The following PIWIL2 variants were observed in gnomAD, a reference collection of about 807,000 sequenced individuals.
PIWIL2 encodes piwi like RNA-mediated gene silencing 2.
In PIWIL2, 81 loss-of-function variants were observed where a neutral mutation model predicts 116.5. The ratio of observed to expected loss-of-function variants is 0.70; its 90% confidence interval spans 0.58 to 0.84. The LOEUF (loss-of-function observed/expected upper bound fraction) is 0.84. Among genes scored for constraint, PIWIL2 ranks in the 40% least tolerant of loss-of-function variants. The probability of loss-of-function intolerance (pLI) is 0.00; values close to 1 mark genes in which losing one functional copy is unlikely to be tolerated. For missense variants in PIWIL2, 1,272 were observed against 1,212.3 expected, an observed-to-expected ratio of 1.05 and a Z score of -0.73; for synonymous variants, 489 against 429.5, an observed-to-expected ratio of 1.14 and a Z score of -1.71.
At chr8:22,346,997 T>A (rs1832242169) in intron 20 of PIWIL2, among the ~76,000 whole-genome samples, 1 of 151,596 alleles carries the variant, frequency 6.6e-6, no homozygotes, top group Non-Finnish European at 1.5e-5. Context: ...AACATAGACC[T>A]CATATGTATA....
At chr8:22,294,880 G>C (rs937837880) in intron 10 of PIWIL2, among the ~76,000 whole-genome samples, 3 of 118,772 alleles carry the variant, frequency 2.5e-5, no homozygotes, top group Middle Eastern at 7.5e-3. Flanking sequence ...AGCCAACATG[G>C]TGAAATCCCA....
intron 2 of PIWIL2, 54 bp downstream of exon 2, chr8:22,279,638 C>T: frequency 6.6e-7 from 1 of 1,505,700 alleles, no homozygotes; most frequent in African/African-American, 1.4e-5. Context: ...TGTGTGCCGT[C>T]AGAGGAAGTA....
At chr8:22,354,469 T>C in intron 22 of PIWIL2, 91 bp downstream of exon 22, 1 of 720,804 alleles carries the variant, frequency 1.4e-6, no homozygotes. Flanking sequence ...AAAATATATT[T>C]ACCTCTTGAC....
intron 20 of PIWIL2, among the ~76,000 whole-genome samples, chr8:22,335,893 G>A (rs1234298663): frequency 6.6e-6 from 1 of 152,098 alleles, no homozygotes; most frequent in Non-Finnish European, 1.5e-5. Flanking sequence ...ACACTTGTAA[G>A]TAGAGACAAG....
intron 20 of PIWIL2, among the ~76,000 whole-genome samples, chr8:22,337,262 C>A (rs888234447): frequency 9.3e-5 from 14 of 150,936 alleles, no homozygotes; most frequent in African/African-American, 3.4e-4. Context: ...CTGAAGAGTA[C>A]ACACACACAC....
chr8:22,356,642 T>C lies in PIWIL2; in HGVS notation c.*1137T>C, dbSNP rs1056770505. 3 of 152,202 alleles carry C rather than the reference T, an allele frequency of 2.0e-5. No homozygotes were observed. Among genetic ancestry groups the C allele is most frequent in the African/African-American group, 7.2e-5 (3 of 41,448 alleles). 9.4% of individuals were successfully genotyped at this position (152,202 alleles called of 1,614,324 possible). A position where few individuals can be genotyped will look rare whatever the true frequency, so the allele number is the denominator to read the frequency against. On this transcript the variant is annotated 3_prime_UTR_variant, in exon 23 of 23. Transcript: ENST00000356766. ...CAGGTGTGTGGCCTTTATTTCTATT[T>C]ATATATGTTTGTAAATGGAATTACC...
intron 13 of PIWIL2, 60 bp downstream of exon 13, chr8:22,306,076 C>A: frequency 2.5e-6 from 3 of 1,224,480 alleles, no homozygotes; most frequent in Non-Finnish European, 3.6e-6. Flanking sequence ...TTTTGGTTAA[C>A]AGTTTGAGTT....
At chr8:22,324,410 T>C (rs893518190) in intron 20 of PIWIL2, among the ~76,000 whole-genome samples, 4 of 152,192 alleles carry the variant, frequency 2.6e-5, no homozygotes, top group African/African-American at 9.7e-5. Flanking sequence ...TGATCTAGAC[T>C]GCCGGCAGCA....
At chr8:22,315,489 G>A (rs1041244185) in intron 18 of PIWIL2, among the ~76,000 whole-genome samples, 5 of 146,990 alleles carry the variant, frequency 3.4e-5, no homozygotes, top group Admixed American at 2.0e-4. Context: ...GCTAATTTTT[G>A]TATTTTTAGT....
In PIWIL2 at chr8:22,356,179, A is replaced by G. The variant is rs1334378063; in HGVS notation, c.*674A>G. The G allele has an allele frequency of 1.3e-5, 2 of 152,182 alleles. No homozygotes were observed. Among genetic ancestry groups the G allele is most frequent in the Non-Finnish European group, 2.9e-5 (2 of 68,044 alleles). The allele number at this position is 152,182 out of a possible 1,614,324, so 9.4% of individuals were successfully genotyped here. On this transcript the variant is annotated 3_prime_UTR_variant, in exon 23 of 23. Transcript: ENST00000356766. Reference sequence around the variant, plus strand: ...GTTCCCATTTCTGGAGCCAGAGATGATAATTAAGTCATTGCAAGTTGCCTG... The same window carrying G: ...GTTCCCATTTCTGGAGCCAGAGATGGTAATTAAGTCATTGCAAGTTGCCTG...
intron 20 of PIWIL2, among the ~76,000 whole-genome samples, chr8:22,344,861 G>A (rs1832189568): frequency 6.6e-6 from 1 of 152,104 alleles, no homozygotes; most frequent in Admixed American, 6.5e-5. Context: ...TGGTGACAGA[G>A]TAAGACCCTT....
chr8:22,288,825 A>G (rs1002065288), intron 8 of PIWIL2, among the ~76,000 whole-genome samples, 159 bp downstream of exon 8: 1 of 152,218 alleles, frequency 6.6e-6, no homozygotes, highest in African/African-American at 2.4e-5. Flanking sequence ...AACTTACTCA[A>G]AAATTATCTC....
chr8:22,315,583 G>A (rs920162543), intron 18 of PIWIL2, among the ~76,000 whole-genome samples: 3 of 152,176 alleles, frequency 2.0e-5, no homozygotes, highest in East Asian at 1.9e-4. Context: ...CCAAAATGCT[G>A]GGATTACAGG....
At chr8:22,309,008 C>T (rs1831258301) in intron 14 of PIWIL2, among the ~76,000 whole-genome samples, 1 of 151,802 alleles carries the variant, frequency 6.6e-6, no homozygotes. Flanking sequence ...GTTGGCCAGG[C>T]TGGAGTGTAA....
At chr8:22,286,406 A>T (rs1250427665) in intron 6 of PIWIL2, among the ~76,000 whole-genome samples, 2 of 152,212 alleles carry the variant, frequency 1.3e-5, no homozygotes, top group Admixed American at 1.3e-4. Context: ...CACATACAAC[A>T]GGTAGAGGGA....
chr8:22,312,815 A>G (rs529996242), intron 16 of PIWIL2, among the ~76,000 whole-genome samples: 3 of 151,792 alleles, frequency 2.0e-5, no homozygotes, highest in South Asian at 2.1e-4. Flanking sequence ...TAATTTTTAA[A>G]TTTTTTGTAG....
chr8:22,327,814 T>G (rs538689617), intron 20 of PIWIL2, among the ~76,000 whole-genome samples: 1 of 152,340 alleles, frequency 6.6e-6, no homozygotes, highest in African/African-American at 2.4e-5. Context: ...TGTCGTTTTG[T>G]TGTTGAGTCG....
chr8:22,340,045 A>AT (rs10626386), intron 20 of PIWIL2, among the ~76,000 whole-genome samples: 13,284 of 93,356 alleles, frequency 0.14, 1,367 homozygotes, highest in African/African-American at 0.26. Flanking sequence ...TATAAAAAGA[A>AT]TTTTTTTTTT....
chr8:22,316,334 G>A lies in PIWIL2; in HGVS notation c.2297+1G>A. ...TTGGCTTCGTGGCAAGCATCAATCT[G>A]TAAGTACTGCTCACAGTGCCATCTT... On this transcript the variant is annotated splice_donor_variant, in intron 19 of 22. Transcript: ENST00000356766. LOFTEE classifies it high-confidence loss of function. The A allele has an allele frequency of 6.3e-7, 1 of 1,580,144 alleles. No homozygotes were observed. The highest frequency in any genetic ancestry group is 8.7e-7 in the Non-Finnish European group (1 of 1,149,068).
Sources: allele counts gnomAD v4.1 joint callset (sites outside exome capture counted in the v4.1 genomes callset), GRCh38; gene constraint gnomAD v4.1.1; transcripts MANE v1.5; gene names NCBI Gene and HGNC (gene_info 2026-07-23, HGNC 2026-07-21).